PKP3: variants seen among roughly 807,000 people sequenced by gnomAD.
PKP3 encodes plakophilin-3.
Under a neutral mutation model 76.5 loss-of-function variants are expected in PKP3, and 66 were observed. That is an observed-to-expected ratio of 0.86 (90% CI 0.71 to 1.06). The LOEUF (loss-of-function observed/expected upper bound fraction) is 1.06. Among genes scored for constraint, PKP3 ranks in the 50% least tolerant of loss-of-function variants. The pLI is 0.00. For missense variants in PKP3, 1,338 were observed against 1,141.0 expected (o/e 1.17, Z -2.49); for synonymous variants, 638 against 516.5 (o/e 1.24, Z -3.19).
chr11:400,324 C>T lies in PKP3; in HGVS notation c.1449-10C>T, dbSNP rs966923005. On this transcript the variant is annotated splice_polypyrimidine_tract_variant and intron_variant, in intron 6 of 12. Transcript: ENST00000331563. ...GTCCCTGGGGGGCTCTGATCCACCT[C>T]GGTCCCCAGGAACCTCAGCTCAGCC... is the stretch of plus-strand genomic sequence containing the variant. 1.9e-5 allele frequency: 30 copies of T among 1,541,836 alleles called. No individual in the cohort carries two copies. Among genetic ancestry groups the T allele is most frequent in the Non-Finnish European group, 2.3e-5 (26 of 1,140,648 alleles).
Position 397,374 on chromosome 11 carries a change from G to A in PKP3, c.873G>A (p.Ser291=), listed in dbSNP as rs377399902. 6.6e-5 allele frequency: 106 copies of A among 1,606,790 alleles called. No individual in the cohort carries two copies. The highest frequency in any genetic ancestry group is 9.9e-5 in the South Asian group (9 of 90,596). The change falls in exon 3 of 13, where the codon TCG becomes TCA. Residue 291 remains serine, a synonymous_variant. Transcript: ENST00000331563. ...GCCTCAGCCTCAGCCTGGCTGACTC[G>A]GGCCACCTGCCGGACGTGCATGGGT... ...VRSLSLSLAD[S]GHLPDVHGFN...
Position 394,417 on chromosome 11 carries a change from G to C in PKP3, c.125G>C (p.Arg42Pro), listed in dbSNP as rs890676563. The C allele has an allele frequency of 6.8e-7, 1 of 1,471,202 alleles. No homozygotes were observed. Among genetic ancestry groups the C allele is most frequent in the Non-Finnish European group, 8.9e-7 (1 of 1,119,716 alleles). 91.1% of individuals were successfully genotyped at this position (1,471,202 alleles called of 1,614,324 possible). The change falls in exon 1 of 13, where the codon CGG (arginine) becomes CCG (proline). Residue 42 changes from arginine to proline, a missense_variant. Transcript: ENST00000331563. ...GAGGGGCCGGAGGCCGAGCGGCTGC[G>C]GGCAGCCCGCGTCCAGGAGCAGGTC... Reference protein sequence around the residue: ...GAEGPEAERLRAARVQEQVRA... With the variant: ...GAEGPEAERLPAARVQEQVRA...
chr11:396,678 C>T lies in PKP3; in HGVS notation c.303C>T (p.Asp101=). The T allele has an allele frequency of 6.2e-7, 1 of 1,610,644 alleles. No homozygotes were observed. Among genetic ancestry groups the T allele is most frequent in the Non-Finnish European group, 8.5e-7 (1 of 1,178,748 alleles). ...FSSRSQGLSG[D]KTSGFRPIAK... The stretch of plus-strand genomic sequence containing the variant: ...CTCGCTCTCAGGGCCTGAGTGGGGA[C>T]AAGACCTCGGTGAGCGATGGGCCCA... Residue 101 remains aspartate (D), a synonymous_variant, in exon 2 of 13, where the codon GAC becomes GAT. Transcript: ENST00000331563.
In PKP3 at chr11:404,442, C is replaced by G. The variant is rs756603299; in HGVS notation, c.2359-92C>G. On this transcript the variant is annotated intron_variant, in intron 12 of 12. Transcript: ENST00000331563. The surrounding 1 kb of genome is among the most constrained non-coding windows in gnomAD (Gnocchi z 4.2). ...ACCAGGGACCCAGAGAGGAAGGGTC[C>G]GGGCCACACCCAGCACACTGCAGGA... The G allele has an allele frequency of 6.6e-6, 10 of 1,503,966 alleles. No individual in the cohort carries two copies. The highest frequency in any genetic ancestry group is 1.7e-5 in the Admixed American group (1 of 59,774). The allele number at this position is 1,503,966 out of a possible 1,614,324, so 93.2% of individuals were successfully genotyped here. A position where few individuals can be genotyped will look rare whatever the true frequency, so the allele number is the denominator to read the frequency against.
In PKP3 at chr11:404,826, A is replaced by G. The variant is rs1469317896; in HGVS notation, c.*257A>G. On this transcript the variant is annotated 3_prime_UTR_variant, in exon 13 of 13. Transcript: ENST00000331563. This position sits in a 1 kb window ranked among gnomAD's most constrained non-coding sequence, Gnocchi z 4.2. ...GTGTATGGGGTGGTGACCCAGTCAC[A>G]TTGGCAGAGGTGGGGGTTGGCTGTG... The G allele has an allele frequency of 5.3e-5, 29 of 542,782 alleles. No individual in the cohort carries two copies. In the East Asian group the frequency reaches 9.0e-4, roughly 17 times the overall value. 33.6% of individuals were successfully genotyped at this position (542,782 alleles called of 1,614,324 possible).
chr11:400,738 G>T, intron 8 of PKP3, 33 bp downstream of exon 8: 1 of 1,168,062 alleles, frequency 8.6e-7, no homozygotes, highest in Non-Finnish European at 1.1e-6. Flanking sequence ...CGTGGGGTGG[G>T]TGCTGCGACC....
Position 403,913 on chromosome 11 carries a change from G to T in PKP3, c.2078-30G>T, listed in dbSNP as rs376451403. ...CAGGTGCCCAGGTGGCCAGGAGTAG[G>T]GGTGCAGACTGACCCCCGGCCTCCC... is the stretch of plus-strand genomic sequence containing the variant. On this transcript the variant is annotated intron_variant, in intron 10 of 12. Coordinates refer to ENST00000331563, the MANE Select transcript of PKP3 (RefSeq NM_007183.4). 2.5e-6 allele frequency: 4 copies of T among 1,575,496 alleles called. No homozygotes were observed. The African/African-American group carries it at 4.0e-5, about 16-fold the overall frequency.
At chr11:394,700 T>A (rs11246143) in intron 1 of PKP3, among the ~76,000 whole-genome samples, 176 bp downstream of exon 1, 1 of 151,994 alleles carries the variant, frequency 6.6e-6, no homozygotes, top group Non-Finnish European at 1.5e-5. Context: ...GGGGCTGCCC[T>A]GTCCAAGCAG....
At position 403,789 on chromosome 11, in the gene PKP3, TCGTCCCTGCCCTG is replaced by T; in HGVS notation, c.2077+20_2077+32del. 6.2e-7 allele frequency: 1 copy of T among 1,603,624 alleles called. No homozygotes were observed. ...CGAGATGTGTGAGTCGGGCAGCCCC[TCGTCCCTGCCCTG>T]CTGGACCCACATGTCAATTTTGTCT... On this transcript the variant is annotated intron_variant, in intron 10 of 12. Transcript: ENST00000331563.
chr11:403,576 C>T, intron 9 of PKP3, 42 bp from the exon 10 acceptor site: 1 of 1,587,956 alleles, frequency 6.3e-7, no homozygotes, highest in Non-Finnish European at 8.5e-7. Context: ...AGGTGAGGGT[C>T]TGAGGCCTCC....
In PKP3 at chr11:397,623, C is replaced by T. The variant is rs777645595; in HGVS notation, c.1029C>T (p.Ile343=). The T allele has an allele frequency of 3.7e-6, 6 of 1,612,006 alleles. No homozygotes were observed. The highest frequency in any genetic ancestry group is 3.3e-5 in the South Asian group (3 of 91,082). Residue 343 remains isoleucine (I), a synonymous_variant, in exon 4 of 13, where the codon ATC becomes ATT. Transcript: ENST00000331563. ...TGCAGGTGCTGGGAGCGGCCTACATCCAGCACAAGTGCTACAGCGATGCAG... is the reference window on the plus strand; with the variant it reads ...TGCAGGTGCTGGGAGCGGCCTACATTCAGCACAAGTGCTACAGCGATGCAG... ...PNLQVLGAAY[I]QHKCYSDAAA...
Position 400,600 on chromosome 11 carries a change from G to C in PKP3, c.1632G>C (p.Pro544=). 6.8e-7 allele frequency: 1 copy of C among 1,463,900 alleles called. No individual in the cohort carries two copies. Among genetic ancestry groups the C allele is most frequent in the Admixed American group, 2.7e-5 (1 of 36,948 alleles). 90.7% of individuals were successfully genotyped at this position (1,463,900 alleles called of 1,614,324 possible). A position where few individuals can be genotyped will look rare whatever the true frequency, so the allele number is the denominator to read the frequency against. The change falls in exon 8 of 13, where the codon CCG becomes CCC. Residue 544 remains proline (P), a synonymous_variant. Transcript: ENST00000331563. ...ACCGCCTCTACGACGAGATGCCGCC[G>C]TCCGCGCTGCAGCGGCTGGAGGGTC... The part of the protein sequence containing the change: ...LSYRLYDEMP[P]SALQRLEGRG...
In PKP3 at chr11:397,035, A is replaced by C. The variant is rs1475690607; in HGVS notation, c.534A>C (p.Thr178=). The C allele has an allele frequency of 6.3e-7, 1 of 1,598,378 alleles. No homozygotes were observed. Among genetic ancestry groups the C allele is most frequent in the South Asian group, 1.1e-5 (1 of 90,984 alleles). Residue 178 remains threonine (T), a synonymous_variant, in exon 3 of 13, where the codon ACA becomes ACC. Coordinates refer to ENST00000331563, the MANE Select transcript of PKP3 (RefSeq NM_007183.4). ...TTGGGAGCCGGGCCGACTATGACAC[A>C]CTCTCCCTGCGCTCGCTGCGGCTGG... ...GGVGSRADYD[T]LSLRSLRLGP... is the part of the protein sequence containing the mutation.
In PKP3 at chr11:400,589, G is replaced by C. The variant is rs1399473434; in HGVS notation, c.1621G>C (p.Glu541Gln). ...GAACCTGTCCTACCGCCTCTACGAC[G>C]AGATGCCGCCGTCCGCGCTGCAGCG... ...LRNLSYRLYD[E>Q]MPPSALQRLE... The change falls in exon 8 of 13, where the codon GAG becomes CAG. Residue 541 changes from glutamate to glutamine, a missense_variant. By Grantham distance (29) the Glu-to-Gln change is conservative. Transcript: ENST00000331563. 2.7e-6 allele frequency: 4 copies of C among 1,472,486 alleles called. No homozygotes were observed. The highest frequency in any genetic ancestry group is 1.3e-5 in the South Asian group (1 of 76,402). The allele number at this position is 1,472,486 out of a possible 1,614,324, so 91.2% of individuals were successfully genotyped here.
In PKP3 at chr11:400,119, TACA is replaced by T; in HGVS notation, c.1429_1431del (p.Asn477del). 4 of 1,569,610 alleles carry T rather than the reference TACA, an allele frequency of 2.5e-6. No homozygotes were observed. Among genetic ancestry groups the T allele is most frequent in the Non-Finnish European group, 3.4e-6 (4 of 1,162,116 alleles). On this transcript the variant is annotated inframe_deletion, in exon 6 of 13. Transcript: ENST00000331563. ...GAACGCCTCGGAGGCAGAGATCTTC[TACA>T]ACGCCACCGGCTTCCTCAGGTGCGC...
chr11:394,890 T>C (rs1309896090), intron 1 of PKP3, among the ~76,000 whole-genome samples: 7 of 151,790 alleles, frequency 4.6e-5, no homozygotes, highest in African/African-American at 1.2e-4. Context: ...TCACATAGGG[T>C]CTCAGGGACA....
upstream of PKP3, among the ~76,000 whole-genome samples, chr11:393,985 C>T (rs1354559533): frequency 6.6e-6 from 1 of 152,214 alleles, no homozygotes; most frequent in Admixed American, 6.5e-5. Flanking sequence ...CAAGAAGGAC[C>T]CAGGTCCCCG....
chr11:393,542 C>T (rs1847003103), upstream of PKP3: 1 of 152,146 alleles, frequency 6.6e-6, no homozygotes, highest in African/African-American at 2.4e-5. Context: ...GGGGTGAGTT[C>T]CAGGGTCTGC....
rs780596801 is a variant in PKP3 at position 397,277 on chromosome 11, G to C, written c.776G>C (p.Arg259Pro). Residue 259 changes from arginine to proline, a missense_variant, in exon 3 of 13, where the codon CGG (arginine) becomes CCG (proline). Coordinates refer to ENST00000331563, the MANE Select transcript of PKP3 (RefSeq NM_007183.4). Reference sequence around the variant, plus strand: ...CTGCAGCGATTCCAGAGCAGCCACCGGAGCCGCGGGGTAGGCGGGGCAGTG... The same window carrying C: ...CTGCAGCGATTCCAGAGCAGCCACCCGAGCCGCGGGGTAGGCGGGGCAGTG... ...RTLQRFQSSH[R>P]SRGVGGAVPG... The C allele has an allele frequency of 2.5e-6, 4 of 1,596,198 alleles. No homozygotes were observed. The highest frequency in any genetic ancestry group is 1.3e-5 in the African/African-American group (1 of 74,802).
Sources: gnomAD v4.1 joint callset for allele counts (sites outside exome capture counted in the v4.1 genomes callset) on GRCh38, gnomAD v4.1.1 for gene constraint, Gnocchi (gnomAD v3.1) non-coding constraint, MANE v1.5 for transcripts, NCBI Gene and HGNC (gene_info 2026-07-23, HGNC 2026-07-21) for gene names.